Variants in SLC5A9 observed in about 807,000 individuals in gnomAD.
The protein encoded by SLC5A9 is solute carrier family 5 member 9, also known as sodium/glucose cotransporter 4.
Under a neutral mutation model 70.9 loss-of-function variants are expected in SLC5A9, and 59 were observed. The ratio of observed to expected loss-of-function variants is 0.83; its 90% confidence interval spans 0.68 to 1.03. The LOEUF (loss-of-function observed/expected upper bound fraction) is 1.03. Ranked by LOEUF, SLC5A9 falls within the 50% of genes least tolerant of loss-of-function variation. The probability of loss-of-function intolerance (pLI) is 0.00; values close to 1 mark genes in which losing one functional copy is unlikely to be tolerated. For missense variants in SLC5A9, 832 were observed against 881.1 expected, an observed-to-expected ratio of 0.94 and a Z score of 0.71; for synonymous variants, 340 against 346.5, an observed-to-expected ratio of 0.98 and a Z score of 0.21.
rs1479742805 is a variant in SLC5A9 at position 48,232,428 on chromosome 1, T to TG, written c.965dup (p.Tyr323LeufsTer31). ...TCTCATGCCAAGGGAGGCTCCGTGC[T>TG]GGGGGGCTACCTGAAGATCCTCCCC... On this transcript the variant is annotated frameshift_variant, in exon 8 of 14. Coordinates refer to ENST00000438567, the MANE Select transcript of SLC5A9 (RefSeq NM_001011547.3). LOFTEE classifies it high-confidence loss of function. 5.0e-6 allele frequency: 8 copies of TG among 1,614,022 alleles called. No individual in the cohort carries two copies. The highest frequency in any genetic ancestry group is 1.6e-4 in the Middle Eastern group (1 of 6,082).
chr1:48,245,403 TGCCTGCTCCCTGTGGACAA>T (rs1433027517), intron 13 of SLC5A9, among the ~76,000 whole-genome samples: 2 of 151,950 alleles, frequency 1.3e-5, no homozygotes, highest in East Asian at 3.9e-4. Flanking sequence ...CCAAGAGAAA[TGCCTGCTCCCTGTGGACAA>T]CTTGCTTCCA....
intron 10 of SLC5A9, among the ~76,000 whole-genome samples, chr1:48,236,344 C>G (rs771811261): frequency 6.6e-6 from 1 of 152,168 alleles, no homozygotes; most frequent in Non-Finnish European, 1.5e-5. Context: ...TGGCCCTGCC[C>G]TCAGCGTGCT....
Position 48,228,911 on chromosome 1 carries a change from C to T in SLC5A9, c.296C>T (p.Thr99Ile), listed in dbSNP as rs1311244813. The T allele has an allele frequency of 1.9e-6, 3 of 1,613,622 alleles. No homozygotes were observed. The highest frequency in any genetic ancestry group is 1.7e-6 in the Non-Finnish European group (2 of 1,180,006). The part of the protein sequence containing the change: ...GSGLFIGLAG[T>I]GAAGGLAVGG... Reference sequence around the variant, plus strand: ...GGCTTGTTCATCGGCCTGGCTGGGACAGGGGCTGCCGGAGGCCTTGCCGTA... The same window carrying T: ...GGCTTGTTCATCGGCCTGGCTGGGATAGGGGCTGCCGGAGGCCTTGCCGTA... The change falls in exon 3 of 14, where the codon ACA becomes ATA. Residue 99 changes from threonine (T) to isoleucine (I), a missense_variant. Coordinates refer to ENST00000438567, the MANE Select transcript of SLC5A9 (RefSeq NM_001011547.3).
Position 48,222,785 on chromosome 1 carries a change from G to A in SLC5A9, c.49G>A (p.Val17Ile), listed in dbSNP as rs374885808. 1.9e-6 allele frequency: 3 copies of A among 1,614,048 alleles called. No individual in the cohort carries two copies. The highest frequency in any genetic ancestry group is 2.5e-6 in the Non-Finnish European group (3 of 1,180,034). The change falls in exon 1 of 14, where the codon GTC (valine) becomes ATC (isoleucine). Residue 17 changes from valine (V) to isoleucine (I), a missense_variant. Coordinates refer to ENST00000438567, the MANE Select transcript of SLC5A9 (RefSeq NM_001011547.3). ...AMGPGASGDG[V>I]RTETAPHIAL... is the part of the protein sequence containing the mutation. ...GGGGCCTGGAGCTTCAGGGGACGGG[G>A]TCAGGACTGAGACAGCTCCACACAT... is the stretch of plus-strand genomic sequence containing the variant.
rs1644255844 is a variant in SLC5A9 at position 48,232,038 on chromosome 1, C to A, written c.784C>A (p.Pro262Thr). The A allele has an allele frequency of 5.6e-6, 9 of 1,614,182 alleles. No homozygotes were observed. In the East Asian group the frequency reaches 2.0e-4, roughly 36 times the overall value. Residue 262 changes from proline to threonine, a missense_variant, in exon 7 of 14, where the codon CCA (proline) becomes ACA (threonine). By Grantham distance (38) the Pro-to-Thr change is conservative. Coordinates refer to ENST00000438567, the MANE Select transcript of SLC5A9 (RefSeq NM_001011547.3). ...AGTCCCCAACACCACCTGTCACCTCCCACGGCCCGATGCTTTCCACATTCT... is the reference window on the plus strand; with the variant it reads ...AGTCCCCAACACCACCTGTCACCTCACACGGCCCGATGCTTTCCACATTCT... ...VTVPNTTCHL[P>T]RPDAFHILRD...
chr1:48,227,534 C>T (rs1182337493), intron 2 of SLC5A9, among the ~76,000 whole-genome samples: 2 of 132,222 alleles, frequency 1.5e-5, no homozygotes, highest in East Asian at 4.9e-4. Flanking sequence ...TGTGTGTGTA[C>T]TGTGCCTGTG....
At chr1:48,230,730 G>A in intron 5 of SLC5A9, 25 bp downstream of exon 5, 1 of 1,565,042 alleles carries the variant, frequency 6.4e-7, no homozygotes, top group Non-Finnish European at 8.8e-7. Context: ...GAGGGCAAGA[G>A]GAAAGCTTCT....
At chr1:48,247,141 A>G (rs1230598452) in intron 13 of SLC5A9, among the ~76,000 whole-genome samples, 194 bp from the exon 14 acceptor site, 1 of 152,204 alleles carries the variant, frequency 6.6e-6, no homozygotes, top group East Asian at 1.9e-4. Context: ...GTACCAGCTC[A>G]GCACCCAGTC....
In SLC5A9 at chr1:48,231,968, C is replaced by T. The variant is rs2148573049; in HGVS notation, c.714C>T (p.Tyr238=). ...CAGGCTTTCAGGACGTGGGCTGGTACCCAGGCCTGGAGCAGCGGTACAGGC... is the reference window on the plus strand; with the variant it reads ...CAGGCTTTCAGGACGTGGGCTGGTATCCAGGCCTGGAGCAGCGGTACAGGC... ...MFLGFQDVGW[Y]PGLEQRYRQA... is the part of the protein sequence containing the mutation. Residue 238 remains tyrosine (Y), a synonymous_variant, in exon 7 of 14, where the codon TAC becomes TAT. Coordinates refer to ENST00000438567, the MANE Select transcript of SLC5A9 (RefSeq NM_001011547.3). The T allele has an allele frequency of 8.1e-6, 13 of 1,614,160 alleles. No individual in the cohort carries two copies. Among genetic ancestry groups the T allele is most frequent in the Non-Finnish European group, 8.5e-6 (10 of 1,180,030 alleles).
chr1:48,231,936 C>T lies in SLC5A9; in HGVS notation c.692-10C>T. 6.2e-7 allele frequency: 1 copy of T among 1,614,110 alleles called. No homozygotes were observed. The highest frequency in any genetic ancestry group is 8.5e-7 in the Non-Finnish European group (1 of 1,180,000). ...GTTTCAGGGCTGCTTCACTCACTGT[C>T]TCCTCACAGGCTTTCAGGACGTGGG... On this transcript the variant is annotated splice_polypyrimidine_tract_variant and intron_variant, in intron 6 of 13. Transcript: ENST00000438567.
chr1:48,237,626 A>T, intron 10 of SLC5A9, 53 bp from the exon 11 acceptor site: 1 of 1,587,082 alleles, frequency 6.3e-7, no homozygotes, highest in Non-Finnish European at 8.6e-7. Context: ...TTCACCCCAC[A>T]CCACACCATG....
chr1:48,242,309 G>A, intron 12 of SLC5A9, 148 bp from the exon 13 acceptor site: 3 of 866,384 alleles, frequency 3.5e-6, no homozygotes, highest in South Asian at 3.3e-5. Flanking sequence ...AGTCAGGGCT[G>A]AGATCCGGGC....
rs142592672 is a variant in SLC5A9 at position 48,230,599 on chromosome 1, G to A, written c.505-1G>A. ...GCCTCTTGGGTCCTGGCTCTCTGCAGACTGACATCTTCTCTGGAGCCCTCT... is the reference window on the plus strand; with the variant it reads ...GCCTCTTGGGTCCTGGCTCTCTGCAAACTGACATCTTCTCTGGAGCCCTCT... On this transcript the variant is annotated splice_acceptor_variant, in intron 4 of 13. Transcript: ENST00000438567. LOFTEE classifies it high-confidence loss of function. 6.2e-7 allele frequency: 1 copy of A among 1,613,494 alleles called. No homozygotes were observed. The highest frequency in any genetic ancestry group is 8.5e-7 in the Non-Finnish European group (1 of 1,179,554).
chr1:48,236,577 G>A (rs1468251520), intron 10 of SLC5A9, among the ~76,000 whole-genome samples: 1 of 152,324 alleles, frequency 6.6e-6, no homozygotes, highest in East Asian at 1.9e-4. Context: ...GTTTACATAA[G>A]GTTAAGGGGC....
In SLC5A9 at chr1:48,237,690, T is replaced by G. The variant is rs148103384; in HGVS notation, c.1304T>G (p.Val435Gly). The G allele has an allele frequency of 9.4e-4, 1,520 of 1,613,936 alleles. 13 individuals are homozygous for G. The Admixed American group carries it at 0.015, about 16-fold the overall frequency. The change falls in exon 11 of 14, where the codon GTG (valine) becomes GGG (glycine). Residue 435 changes from valine to glycine, a missense_variant. Coordinates refer to ENST00000438567, the MANE Select transcript of SLC5A9 (RefSeq NM_001011547.3). ...ELMVVGRVFVVFLVVISILWI... is the reference protein window; with the variant it reads ...ELMVVGRVFVGFLVVISILWI... ...GCTCTCTCTGGCAGAGTGTTTGTGG[T>G]GTTCCTGGTTGTCATCAGCATCCTC...
intron 13 of SLC5A9, among the ~76,000 whole-genome samples, chr1:48,244,717 TATATATATAAAATATATA>T (rs1195095345): frequency 6.8e-5 from 9 of 131,444 alleles, no homozygotes; most frequent in East Asian, 2.1e-4. Flanking sequence ...TGCAAATATA[TATATATATAAAATATATA>T]ATATATATAA....
chr1:48,223,447 T>G (rs1378475692), intron 1 of SLC5A9, among the ~76,000 whole-genome samples: 2 of 152,150 alleles, frequency 1.3e-5, no homozygotes, highest in Non-Finnish European at 2.9e-5. Context: ...AGGTCCCAGC[T>G]GCAACAATGA....
At chr1:48,229,501 A>C (rs1441712161) in intron 4 of SLC5A9, 42 bp downstream of exon 4, 1 of 1,606,674 alleles carries the variant, frequency 6.2e-7, no homozygotes, top group Non-Finnish European at 8.5e-7. Context: ...TGGAAATGCT[A>C]ATTAGGGAAC....
intron 5 of SLC5A9, among the ~76,000 whole-genome samples, chr1:48,231,332 G>A (rs558879407): frequency 2.6e-5 from 4 of 152,316 alleles, no homozygotes; most frequent in South Asian, 2.1e-4. Context: ...CAGAAAGAAG[G>A]GGCCCCAGCA....
Sources: gnomAD v4.1 joint callset for allele counts (sites outside exome capture counted in the v4.1 genomes callset) on GRCh38, gnomAD v4.1.1 for gene constraint, MANE v1.5 for transcripts, NCBI Gene and HGNC (gene_info 2026-07-23, HGNC 2026-07-21) for gene names.